Variants in MAPKAP1 observed in about 807,000 individuals in gnomAD.
MAPKAP1 encodes MAPK associated protein 1, also known as target of rapamycin complex 2 subunit MAPKAP1.
A neutral mutation model predicts 65.7 loss-of-function variants in MAPKAP1; 20 were observed. That is an observed-to-expected ratio of 0.30 (90% CI 0.21 to 0.44). The LOEUF (loss-of-function observed/expected upper bound fraction) is 0.44, where lower values mean the gene tolerates loss of function less well. MAPKAP1 is among the 20% of genes least tolerant of loss of function. The pLI, the probability that MAPKAP1 is intolerant of heterozygous loss-of-function variation, is 1.00. For missense variants in MAPKAP1, 423 were observed against 648.0 expected (o/e 0.65, Z 3.77); for synonymous variants, 222 against 244.3 (o/e 0.91, Z 0.85).
intron 10 of MAPKAP1, 81 bp downstream of exon 10, chr9:125,467,891 T>C: frequency 6.9e-7 from 1 of 1,450,330 alleles, no homozygotes; most frequent in Non-Finnish European, 9.4e-7. Context: ...ACAGTGGCAA[T>C]ATATTCTCCT....
intron 7 of MAPKAP1, among the ~76,000 whole-genome samples, chr9:125,509,740 T>C (rs969834910): frequency 6.6e-6 from 1 of 152,272 alleles, no homozygotes; most frequent in Non-Finnish European, 1.5e-5. Flanking sequence ...TACTGGGAAC[T>C]AAGGCCTGGC....
At chr9:125,648,749 T>A (rs540037811) in intron 4 of MAPKAP1, among the ~76,000 whole-genome samples, 2 of 152,156 alleles carry the variant, frequency 1.3e-5, no homozygotes, top group East Asian at 3.9e-4. Context: ...GAGACCAGCC[T>A]GACCAACATG....
intron 10 of MAPKAP1, among the ~76,000 whole-genome samples, chr9:125,467,081 A>C (rs1027219701): frequency 6.6e-6 from 1 of 152,216 alleles, no homozygotes; most frequent in Non-Finnish European, 1.5e-5. Flanking sequence ...CTATACTCCC[A>C]AGTTACTGAA....
In MAPKAP1 at chr9:125,438,617, G is replaced by C; in HGVS notation, c.*270C>G. 1 of 463,882 alleles carries C rather than the reference G, an allele frequency of 2.2e-6. No homozygotes were observed. Among genetic ancestry groups the C allele is most frequent in the South Asian group, 5.5e-5 (1 of 18,322 alleles). 28.7% of individuals were successfully genotyped at this position (463,882 alleles called of 1,614,324 possible). ...GGGTGGCAGGCATTGAAGGTGGCTG[G>C]GCGGCACGTGGCTCCTCTAGGGGGT... On this transcript the variant is annotated 3_prime_UTR_variant, in exon 12 of 12. Transcript: ENST00000265960.
At chr9:125,564,540 A>T (rs1390640576) in intron 5 of MAPKAP1, among the ~76,000 whole-genome samples, 1 of 152,180 alleles carries the variant, frequency 6.6e-6, no homozygotes, top group Non-Finnish European at 1.5e-5. Context: ...TTAGCCCACC[A>T]CACAGAGAAT....
intron 2 of MAPKAP1, among the ~76,000 whole-genome samples, 175 bp downstream of exon 2, chr9:125,672,141 T>A (rs1416142042): frequency 6.6e-6 from 1 of 152,186 alleles, no homozygotes; most frequent in Non-Finnish European, 1.5e-5. Flanking sequence ...GCCCTCTCCA[T>A]TCGCAGTCGC....
intron 1 of MAPKAP1, among the ~76,000 whole-genome samples, chr9:125,684,134 C>T (rs1435618836): frequency 1.3e-5 from 2 of 152,114 alleles, no homozygotes; most frequent in Admixed American, 6.6e-5. Flanking sequence ...TTTAAATTTA[C>T]CCAATTCTAG....
At chr9:125,482,760 G>A (rs2133033807) in intron 9 of MAPKAP1, among the ~76,000 whole-genome samples, 1 of 152,196 alleles carries the variant, frequency 6.6e-6, no homozygotes. Flanking sequence ...GATGACATTA[G>A]GTGAGGACTT....
chr9:125,477,141 T>G (rs1854140270), intron 9 of MAPKAP1, among the ~76,000 whole-genome samples: 1 of 152,256 alleles, frequency 6.6e-6, no homozygotes, highest in Admixed American at 6.5e-5. Context: ...CTATCATTTA[T>G]CTATAAATCC....
intron 8 of MAPKAP1, among the ~76,000 whole-genome samples, chr9:125,495,770 G>A (rs916328602): frequency 8.5e-5 from 13 of 152,202 alleles, no homozygotes; most frequent in African/African-American, 3.1e-4. Context: ...TTCAAGACAG[G>A]TCAGCACAGC....
intron 3 of MAPKAP1, among the ~76,000 whole-genome samples, chr9:125,660,912 G>A (rs757416022): frequency 8.5e-5 from 13 of 152,060 alleles, no homozygotes; most frequent in South Asian, 2.1e-4. Context: ...GAGAAAAATT[G>A]ATAAACCTGA....
chr9:125,575,138 A>G (rs1831354210), intron 5 of MAPKAP1, among the ~76,000 whole-genome samples: 1 of 152,208 alleles, frequency 6.6e-6, no homozygotes, highest in African/African-American at 2.4e-5. Context: ...GATTGCTTTA[A>G]GCCAGGAATT....
At chr9:125,448,882 G>A (rs375206909) in intron 10 of MAPKAP1, among the ~76,000 whole-genome samples, 31 of 151,954 alleles carry the variant, frequency 2.0e-4, no homozygotes, top group Admixed American at 9.8e-4. Flanking sequence ...GCACACACCC[G>A]GAATCCCAGC....
rs578072977 is a variant in MAPKAP1 at position 125,569,055 on chromosome 9, G to A, written c.672-9246C>T. ...CGAGGGGTACTTCAGGGTAAAACAC[G>A]GGCTTAGAACACCTGTAAGCCCACT... On this transcript the variant is annotated intron_variant, in intron 5 of 11. Coordinates refer to ENST00000265960, the MANE Select transcript of MAPKAP1 (RefSeq NM_001006617.3). Among the ~76,000 whole-genome samples, 8 of 152,260 alleles carry A rather than the reference G, an allele frequency of 5.3e-5. No individual in the cohort carries two copies. The South Asian group carries it at 1.7e-3, about 32-fold the overall frequency.
chr9:125,491,987 T>G (rs934779330), intron 8 of MAPKAP1, among the ~76,000 whole-genome samples: 2 of 147,822 alleles, frequency 1.4e-5, no homozygotes, highest in African/African-American at 5.0e-5. Flanking sequence ...GGCCAGGAGT[T>G]GAAGAGCAGC....
Position 125,439,240 on chromosome 9 carries a change from G to C in MAPKAP1, c.1444-228C>G, listed in dbSNP as rs1852393830. On this transcript the variant is annotated intron_variant, in intron 11 of 11. Transcript: ENST00000265960. This position sits in a 1 kb window ranked among gnomAD's most constrained non-coding sequence, Gnocchi z 4.0. ...TTGGAGAAGCCAAGTGGCCAGTCCA[G>C]GCTTCCCAGTCAGTGAGCGGCGAGC... Among the ~76,000 whole-genome samples, 1 of 152,242 alleles carries C rather than the reference G, an allele frequency of 6.6e-6. No homozygotes were observed. The highest frequency in any genetic ancestry group is 2.4e-5 in the African/African-American group (1 of 41,470).
At chr9:125,641,900 C>T (rs1376933776) in intron 4 of MAPKAP1, among the ~76,000 whole-genome samples, 9 of 152,202 alleles carry the variant, frequency 5.9e-5, no homozygotes, top group East Asian at 3.9e-4. Context: ...GGCATGGTGG[C>T]GCATGCCTGT....
At chr9:125,564,693 G>C (rs561175077) in intron 5 of MAPKAP1, among the ~76,000 whole-genome samples, 1 of 152,236 alleles carries the variant, frequency 6.6e-6, no homozygotes, top group South Asian at 2.1e-4. Flanking sequence ...TTGAATGATT[G>C]AATTTATTGC....
chr9:125,571,464 T>G (rs1287404299), intron 5 of MAPKAP1, among the ~76,000 whole-genome samples: 3 of 152,238 alleles, frequency 2.0e-5, no homozygotes, highest in Admixed American at 2.0e-4. Flanking sequence ...AAAACTCTTA[T>G]GAAGAGCTGG....
Sources: allele counts gnomAD v4.1 joint callset (sites outside exome capture counted in the v4.1 genomes callset), GRCh38; gene constraint gnomAD v4.1.1; non-coding constraint Gnocchi (gnomAD v3.1); transcripts MANE v1.5; gene names NCBI Gene and HGNC (gene_info 2026-07-23, HGNC 2026-07-21).